Variants in MPP7 observed in about 807,000 individuals in gnomAD.
MPP7 encodes the protein MAGUK p55 subfamily member 7.
A neutral mutation model predicts 76.5 loss-of-function variants in MPP7; 60 were observed. The ratio of observed to expected loss-of-function variants is 0.78; its 90% confidence interval spans 0.64 to 0.97. MPP7 has a LOEUF of 0.97. MPP7 is among the 50% of genes least tolerant of loss of function. The pLI, the probability that MPP7 is intolerant of heterozygous loss-of-function variation, is 0.00. For missense variants in MPP7, 641 were observed against 694.0 expected (o/e 0.92, Z 0.86); for synonymous variants, 237 against 244.5 (o/e 0.97, Z 0.29).
chr10:28,284,396 C>T (rs1332068891), intron 1 of MPP7, among the ~76,000 whole-genome samples: 2 of 152,204 alleles, frequency 1.3e-5, no homozygotes. Flanking sequence ...AGCTTAAAAA[C>T]AGGTCTGGCC....
chr10:28,081,599 G>A (rs1383058171), intron 12 of MPP7, among the ~76,000 whole-genome samples: 2 of 151,640 alleles, frequency 1.3e-5, no homozygotes, highest in Non-Finnish European at 2.9e-5. Flanking sequence ...GTAACAACTT[G>A]GTCTATTATT....
At chr10:28,282,943 TA>T (rs1006949873) in intron 1 of MPP7, among the ~76,000 whole-genome samples, 2 of 151,890 alleles carry the variant, frequency 1.3e-5, no homozygotes, top group Admixed American at 6.6e-5. Flanking sequence ...GGGTAGGCAT[TA>T]AAAAAAGATA....
intron 2 of MPP7, among the ~76,000 whole-genome samples, chr10:28,205,101 G>A (rs150921753): frequency 6.2e-4 from 95 of 152,232 alleles, no homozygotes; most frequent in East Asian, 1.4e-3. Flanking sequence ...AACAAGAGCC[G>A]TACCTTCCCT....
chr10:28,205,320 T>G (rs1837916119), intron 2 of MPP7, among the ~76,000 whole-genome samples: 1 of 152,206 alleles, frequency 6.6e-6, no homozygotes, highest in African/African-American at 2.4e-5. Flanking sequence ...GGCCTGTGTT[T>G]TAACATGTTT....
At chr10:28,148,353 T>TA (rs1376870300) in intron 4 of MPP7, among the ~76,000 whole-genome samples, 2 of 152,278 alleles carry the variant, frequency 1.3e-5, no homozygotes, top group East Asian at 1.9e-4. Context: ...TAATTTTCTT[T>TA]AAAAAAGCAA....
At chr10:28,059,932 A>G (rs1455129232) in intron 13 of MPP7, among the ~76,000 whole-genome samples, 189 bp from the exon 14 acceptor site, 4 of 152,146 alleles carry the variant, frequency 2.6e-5, no homozygotes, top group Non-Finnish European at 4.4e-5. Context: ...TTAAAATTAT[A>G]TTGATTTGAA....
intron 4 of MPP7, 31 bp downstream of exon 4, chr10:28,149,951 C>T (rs768815387): frequency 2.5e-6 from 4 of 1,589,056 alleles, no homozygotes; most frequent in East Asian, 4.5e-5. Context: ...GCAGCAGACA[C>T]ATCCCAGTGA....
intron 1 of MPP7, among the ~76,000 whole-genome samples, chr10:28,287,902 A>G (rs1356196762): frequency 3.9e-5 from 6 of 152,020 alleles, no homozygotes; most frequent in Non-Finnish European, 7.3e-5. Context: ...CAGATTCCAC[A>G]CCGCAAATAA....
intron 1 of MPP7, among the ~76,000 whole-genome samples, chr10:28,332,579 G>A (rs1589051084): frequency 6.6e-6 from 1 of 152,170 alleles, no homozygotes; most frequent in South Asian, 2.1e-4. Context: ...AAATCAACAG[G>A]TTTTGAGCAC....
At chr10:28,105,443 G>A (rs188014855) in intron 11 of MPP7, among the ~76,000 whole-genome samples, 9 of 152,154 alleles carry the variant, frequency 5.9e-5, no homozygotes, top group Non-Finnish European at 1.2e-4. Flanking sequence ...GAGGAATGGT[G>A]TGGACTGCGA....
At chr10:28,290,584 T>C (rs1290932605) in intron 1 of MPP7, among the ~76,000 whole-genome samples, 3 of 152,190 alleles carry the variant, frequency 2.0e-5, no homozygotes, top group Admixed American at 6.5e-5. Flanking sequence ...GCGATTCTCC[T>C]GTCTCGGCCT....
At chr10:28,315,524 C>T (rs1834312948) in intron 2 of MPP7, among the ~76,000 whole-genome samples, 1 of 152,168 alleles carries the variant, frequency 6.6e-6, no homozygotes, top group South Asian at 2.1e-4. Flanking sequence ...CACTTCCCTC[C>T]TGGCCACTGC....
At chr10:28,223,601 C>T (rs1019684677) in intron 2 of MPP7, among the ~76,000 whole-genome samples, 4 of 152,044 alleles carry the variant, frequency 2.6e-5, no homozygotes, top group Non-Finnish European at 5.9e-5. Flanking sequence ...TACTGTTTTA[C>T]AAAATTACAA....
chr10:28,242,961 A>G (rs930093677), intron 1 of MPP7, among the ~76,000 whole-genome samples: 1 of 152,188 alleles, frequency 6.6e-6, no homozygotes, highest in African/African-American at 2.4e-5. Context: ...TCCTGTGTGA[A>G]TAAGGGGAAG....
intron 5 of MPP7, among the ~76,000 whole-genome samples, chr10:28,136,883 T>C (rs768287859): frequency 2.0e-5 from 3 of 152,130 alleles, no homozygotes; most frequent in African/African-American, 4.8e-5. Flanking sequence ...AATGGCCTAA[T>C]ATACATGTTA....
At chr10:28,326,225 T>C (rs1375476644) in intron 2 of MPP7, among the ~76,000 whole-genome samples, 2 of 152,166 alleles carry the variant, frequency 1.3e-5, no homozygotes, top group Non-Finnish European at 2.9e-5. Flanking sequence ...ATATCAATTA[T>C]TGGGGTTTTT....
At chr10:28,185,708 C>G (rs1282001116) in intron 3 of MPP7, among the ~76,000 whole-genome samples, 1 of 152,168 alleles carries the variant, frequency 6.6e-6, no homozygotes, top group Non-Finnish European at 1.5e-5. Flanking sequence ...CACTCCAAAT[C>G]AAGCAGAGTT....
chr10:28,200,282 G>T (rs911833216), intron 3 of MPP7, among the ~76,000 whole-genome samples: 12 of 152,202 alleles, frequency 7.9e-5, no homozygotes, highest in Non-Finnish European at 1.2e-4. Flanking sequence ...TCTGATAAAA[G>T]TTGGGGGTGG....
chr10:28,124,218 C>A, intron 7 of MPP7, 102 bp from the exon 8 acceptor site: 1 of 781,132 alleles, frequency 1.3e-6, no homozygotes, highest in South Asian at 1.5e-5. Context: ...TCCCTTAATA[C>A]ACTTAACGAA....
Sources: allele counts gnomAD v4.1 joint callset (sites outside exome capture counted in the v4.1 genomes callset), GRCh38; gene constraint gnomAD v4.1.1; transcripts MANE v1.5; gene names NCBI Gene and HGNC (gene_info 2026-07-23, HGNC 2026-07-21).